ZNF578: variants seen among roughly 807,000 people sequenced by gnomAD.
The protein encoded by ZNF578 is Putative chemokine-related protein B42.
In ZNF578, 8 loss-of-function variants were observed where a neutral mutation model predicts 8.3. The observed-to-expected ratio is 0.96, with a 90% confidence interval of 0.56 to 1.74. The LOEUF (loss-of-function observed/expected upper bound fraction) is 1.74. ZNF578 is among the 40% of genes most tolerant of loss of function. ZNF578 has a pLI of 0.00. For missense variants in ZNF578, 726 were observed against 707.5 expected (o/e 1.03, Z -0.30); for synonymous variants, 206 against 232.2 (o/e 0.89, Z 1.03).
chr19:52,499,140 G>A (rs1382151544), intron 3 of ZNF578, among the ~76,000 whole-genome samples: 1 of 152,162 alleles, frequency 6.6e-6, no homozygotes, highest in Non-Finnish European at 1.5e-5. Context: ...GAGCCCACCT[G>A]TAACATAGAG....
chr19:52,495,883 GA>G (rs1310688414), intron 3 of ZNF578, among the ~76,000 whole-genome samples: 28 of 151,942 alleles, frequency 1.8e-4, no homozygotes, highest in Non-Finnish European at 1.5e-4. Flanking sequence ...GGGAGTGGGG[GA>G]AGAGAAGTAG....
At chr19:52,477,593 T>TA (rs1319190601) in intron 2 of ZNF578, among the ~76,000 whole-genome samples, 2 of 150,378 alleles carry the variant, frequency 1.3e-5, no homozygotes, top group African/African-American at 5.0e-5. Context: ...TTTCCCATTT[T>TA]AGGGTTTTTT....
At position 52,456,892 on chromosome 19, in the gene ZNF578, T is replaced by C. The variant is rs936056847; in HGVS notation, c.-188T>C. The C allele has an allele frequency of 6.5e-6, 1 of 153,122 alleles. No homozygotes were observed. Among genetic ancestry groups the C allele is most frequent in the African/African-American group, 2.4e-5 (1 of 41,408 alleles). The allele number at this position is 153,122 out of a possible 1,614,324, so 9.5% of individuals were successfully genotyped here. ...GGATTAGCTTCTAAAGTCTCTTTCA[T>C]CTCTCCTAAGGAAGAAGCCTAGAAG... On this transcript the variant is annotated 5_prime_UTR_variant, in exon 2 of 6. Transcript: ENST00000421239.
At chr19:52,490,794 C>T (rs529868193) in intron 2 of ZNF578, among the ~76,000 whole-genome samples, 46 of 152,232 alleles carry the variant, frequency 3.0e-4, no homozygotes, top group African/African-American at 9.1e-4. Flanking sequence ...ACCGCCACCA[C>T]GCCTGGCTGA....
Position 52,459,769 on chromosome 19 carries a change from A to ATATATATATATT in ZNF578, c.-122+2812_-122+2813insATATATATATTT, listed in dbSNP as rs1555751349. Among the ~76,000 whole-genome samples the ATATATATATATT allele has an allele frequency of 5.1e-4, 9 of 17,620 alleles. 2 individuals are homozygous for ATATATATATATT. The highest frequency in any genetic ancestry group is 6.9e-4 in the Non-Finnish European group (7 of 10,084). The allele number at this position is 17,620 out of a possible 152,430, so 11.6% of individuals were successfully genotyped here. A position where few individuals can be genotyped will look rare whatever the true frequency, so the allele number is the denominator to read the frequency against. On this transcript the variant is annotated intron_variant, in intron 2 of 5. Coordinates refer to ENST00000421239, the MANE Select transcript of ZNF578 (RefSeq NM_001099694.2). The stretch of plus-strand genomic sequence containing the variant: ...TGTGTGTGTATATATATATATATAT[A>ATATATATATATT]TTTTTTTTTTTTTTTTTTTTTTTTG...
chr19:52,497,220 C>A (rs2059390229), intron 3 of ZNF578, among the ~76,000 whole-genome samples: 1 of 152,206 alleles, frequency 6.6e-6, no homozygotes, highest in South Asian at 2.1e-4. Flanking sequence ...CTGCCTCAGC[C>A]TCCTGAGTAG....
chr19:52,458,746 CTTTG>C (rs541239988), intron 2 of ZNF578: 3 of 151,112 alleles, frequency 2.0e-5, no homozygotes, highest in South Asian at 2.1e-4. Flanking sequence ...TTTGTTGTGC[CTTTG>C]TTTGTTTCAT....
chr19:52,475,747 A>T (rs1223546339), intron 2 of ZNF578, among the ~76,000 whole-genome samples: 8 of 152,190 alleles, frequency 5.3e-5, no homozygotes, highest in Admixed American at 3.9e-4. Context: ...CTGAGGCTGT[A>T]CACTTCTTTC....
intron 2 of ZNF578, among the ~76,000 whole-genome samples, chr19:52,467,012 A>G (rs2059277340): frequency 6.6e-6 from 1 of 150,778 alleles, no homozygotes; most frequent in Non-Finnish European, 1.5e-5. Context: ...TCTCTTGATT[A>G]ATTTTTTTTT....
chr19:52,460,397 G>A (rs11084166), intron 2 of ZNF578, among the ~76,000 whole-genome samples: 92,459 of 151,642 alleles, frequency 0.61, 31,382 homozygotes, highest in Non-Finnish European at 0.79. Context: ...TTTGTGTTAT[G>A]TTTGGTGGTG....
intron 4 of ZNF578, among the ~76,000 whole-genome samples, 185 bp from the exon 5 acceptor site, chr19:52,504,470 A>G (rs896002265): frequency 3.3e-5 from 5 of 152,152 alleles, no homozygotes; most frequent in African/African-American, 1.2e-4. Context: ...GGATCTTAAA[A>G]TCTTTCAAGG....
chr19:52,492,903 A>C (rs1320832734), intron 3 of ZNF578: 1 of 152,254 alleles, frequency 6.6e-6, no homozygotes, highest in Non-Finnish European at 1.5e-5. Context: ...TGCGCTTCCC[A>C]GGTCCCCGGC....
chr19:52,497,587 A>T (rs117945370), intron 3 of ZNF578, among the ~76,000 whole-genome samples: 1 of 152,146 alleles, frequency 6.6e-6, no homozygotes, highest in Non-Finnish European at 1.5e-5. Flanking sequence ...CATTACATCT[A>T]TATTTTTTGA....
chr19:52,511,424 G>A lies in ZNF578; in HGVS notation c.1043G>A (p.Cys348Tyr), dbSNP rs748124482. ...TGEKPYKCNE[C>Y]GKSFSYKSSL... ...GAGAAACCTTACAAGTGTAATGAAT[G>A]TGGAAAGTCCTTCAGTTACAAGTCA... The change falls in exon 6 of 6, where the codon TGT (cysteine) becomes TAT (tyrosine). Residue 348 changes from cysteine to tyrosine, a missense_variant. By Grantham distance (194) the Cys-to-Tyr change is radical. Coordinates refer to ENST00000421239, the MANE Select transcript of ZNF578 (RefSeq NM_001099694.2). 2 of 1,614,192 alleles carry A rather than the reference G, an allele frequency of 1.2e-6. No homozygotes were observed. The highest frequency in any genetic ancestry group is 2.2e-5 in the East Asian group (1 of 44,876).
At chr19:52,493,158 T>C (rs1282960152) in intron 3 of ZNF578, among the ~76,000 whole-genome samples, 1 of 152,260 alleles carries the variant, frequency 6.6e-6, no homozygotes, top group African/African-American at 2.4e-5. Context: ...CTTAAAGTCC[T>C]CACCCGCGAG....
At chr19:52,489,159 C>T (rs1179106797) in intron 2 of ZNF578, among the ~76,000 whole-genome samples, 4 of 152,082 alleles carry the variant, frequency 2.6e-5, no homozygotes, top group African/African-American at 9.7e-5. Flanking sequence ...GTCCCATCTA[C>T]TCCGGAGGCT....
At chr19:52,478,518 C>T (rs1423172620) in intron 2 of ZNF578, among the ~76,000 whole-genome samples, 1 of 152,082 alleles carries the variant, frequency 6.6e-6, no homozygotes, top group East Asian at 1.9e-4. Flanking sequence ...ACTCCCTCTC[C>T]TGTTTTTTAT....
intron 3 of ZNF578, among the ~76,000 whole-genome samples, chr19:52,498,512 T>C (rs537709605): frequency 1.3e-5 from 2 of 152,088 alleles, no homozygotes; most frequent in Admixed American, 1.3e-4. Flanking sequence ...TTTGCATTTT[T>C]AGTAGAGACG....
At chr19:52,491,697 A>T (rs2059365495) in intron 3 of ZNF578, among the ~76,000 whole-genome samples, 1 of 152,180 alleles carries the variant, frequency 6.6e-6, no homozygotes, top group African/African-American at 2.4e-5. Flanking sequence ...CATGGGCCAC[A>T]GAGAAATACT....
Sources: gnomAD v4.1 joint callset for allele counts (sites outside exome capture counted in the v4.1 genomes callset) on GRCh38, gnomAD v4.1.1 for gene constraint, MANE v1.5 for transcripts, NCBI Gene and HGNC (gene_info 2026-07-23, HGNC 2026-07-21) for gene names.